The following CAMK1D variants were observed in gnomAD, a reference collection of about 807,000 sequenced individuals.
CAMK1D encodes the protein calcium/calmodulin-dependent protein kinase type 1D.
CAMK1D carries 9 observed loss-of-function variants against 47.7 expected under a neutral mutation model. That is an observed-to-expected ratio of 0.19 (90% CI 0.11 to 0.33). CAMK1D has a LOEUF of 0.33. Among genes scored for constraint, CAMK1D ranks in the 10% least tolerant of loss-of-function variants. The pLI, the probability that CAMK1D is intolerant of heterozygous loss-of-function variation, is 1.00. For synonymous variants in CAMK1D, 184 were observed against 184.9 expected (o/e 0.99, Z 0.04); for missense variants, 291 against 488.7 (o/e 0.60, Z 3.81).
intron 1 of CAMK1D, among the ~76,000 whole-genome samples, chr10:12,535,111 G>A (rs1207062795): frequency 6.6e-6 from 1 of 152,188 alleles, no homozygotes; most frequent in Non-Finnish European, 1.5e-5. Flanking sequence ...CACAGGAAGT[G>A]AGGCACAGTC....
chr10:12,648,212 CACTT>C (rs1839864162), intron 2 of CAMK1D, among the ~76,000 whole-genome samples: 1 of 152,184 alleles, frequency 6.6e-6, no homozygotes, highest in African/African-American at 2.4e-5. Flanking sequence ...GTGGGGCACT[CACTT>C]AATTCTCCCG....
At chr10:12,769,859 G>T in intron 5 of CAMK1D, 60 bp downstream of exon 5, 1 of 1,579,464 alleles carries the variant, frequency 6.3e-7, no homozygotes, top group African/African-American at 1.3e-5. Flanking sequence ...CATGTGTGGT[G>T]TCACCACGTG....
At chr10:12,778,540 A>G (rs1837364527) in intron 5 of CAMK1D, among the ~76,000 whole-genome samples, 1 of 152,222 alleles carries the variant, frequency 6.6e-6, no homozygotes, top group Admixed American at 6.5e-5. Context: ...GATGGGCCAC[A>G]CAGATTCATG....
intron 3 of CAMK1D, among the ~76,000 whole-genome samples, chr10:12,733,658 GCT>G (rs1834998686): frequency 6.6e-6 from 1 of 152,126 alleles, no homozygotes; most frequent in African/African-American, 2.4e-5. Context: ...CCAGCCAGTG[GCT>G]CTTCATTCAG....
intron 8 of CAMK1D, 26 bp downstream of exon 8, chr10:12,816,354 A>T: frequency 6.2e-7 from 1 of 1,602,572 alleles, no homozygotes; most frequent in African/African-American, 1.3e-5. Flanking sequence ...CGCTCAGCAG[A>T]CCGTGCCATT....
intron 1 of CAMK1D, among the ~76,000 whole-genome samples, chr10:12,492,406 G>A (rs937387117): frequency 2.7e-5 from 4 of 150,360 alleles, no homozygotes; most frequent in African/African-American, 4.9e-5. Context: ...CCATCCACTC[G>A]CATGCTTTTG....
chr10:12,364,800 A>G (rs1358329383), intron 1 of CAMK1D, among the ~76,000 whole-genome samples: 1 of 152,100 alleles, frequency 6.6e-6, no homozygotes, highest in Non-Finnish European at 1.5e-5. Context: ...CAAGCTCCCC[A>G]TGGTTTAACA....
intron 3 of CAMK1D, among the ~76,000 whole-genome samples, chr10:12,756,794 G>A (rs913807104): frequency 4.6e-5 from 7 of 152,170 alleles, no homozygotes; most frequent in African/African-American, 1.7e-4. Flanking sequence ...CGGGCGTGGT[G>A]GTGGCCACCT....
At chr10:12,445,705 A>G (rs1398363246) in intron 1 of CAMK1D, among the ~76,000 whole-genome samples, 4 of 152,248 alleles carry the variant, frequency 2.6e-5, no homozygotes, top group South Asian at 2.1e-4. Context: ...CTTTTAATGT[A>G]AAAGTCATAA....
chr10:12,728,337 G>C (rs113516693), intron 3 of CAMK1D, among the ~76,000 whole-genome samples: 3,474 of 152,298 alleles, frequency 0.023, 144 homozygotes, highest in African/African-American at 0.076. Flanking sequence ...AGCCTTCTTG[G>C]CTGCGTGGAC....
chr10:12,638,185 G>T (rs1350738850), intron 2 of CAMK1D, among the ~76,000 whole-genome samples: 2 of 152,174 alleles, frequency 1.3e-5, no homozygotes, highest in African/African-American at 4.8e-5. Flanking sequence ...GGTGGGAGGG[G>T]CCAGGCTTCT....
intron 2 of CAMK1D, among the ~76,000 whole-genome samples, chr10:12,563,690 A>AGAGAGAGAGAGAGAGAGAGAGAGG (rs1564414460): frequency 5.4e-4 from 39 of 72,212 alleles, no homozygotes; most frequent in African/African-American, 1.4e-3. Context: ...AGAGAGAGAG[A>AGAGAGAGAGAGAGAGAGAGAGAGG]GAGAGAGAGG....
chr10:12,534,762 A>G (rs1039114222), intron 1 of CAMK1D, among the ~76,000 whole-genome samples: 1 of 152,104 alleles, frequency 6.6e-6, no homozygotes, highest in Non-Finnish European at 1.5e-5. Flanking sequence ...GGTCTTCCAT[A>G]TGGGGACTGA....
chr10:12,807,222 T>A (rs1280983384), intron 6 of CAMK1D, among the ~76,000 whole-genome samples: 1 of 152,204 alleles, frequency 6.6e-6, no homozygotes, highest in Non-Finnish European at 1.5e-5. Flanking sequence ...CTCGTTGATA[T>A]CCTTTGTGGG....
intron 6 of CAMK1D, among the ~76,000 whole-genome samples, chr10:12,813,293 G>A (rs749055698): frequency 5.3e-5 from 8 of 152,208 alleles, no homozygotes; most frequent in Non-Finnish European, 1.2e-4. Flanking sequence ...GCATGGTAGT[G>A]TGCTGATGTG....
At chr10:12,508,039 G>T (rs1299293656) in intron 1 of CAMK1D, among the ~76,000 whole-genome samples, 1 of 152,154 alleles carries the variant, frequency 6.6e-6, no homozygotes, top group Non-Finnish European at 1.5e-5. Context: ...ACAGGCCTGG[G>T]GTAGGACTGA....
At chr10:12,452,678 TG>T (rs1833120815) in intron 1 of CAMK1D, among the ~76,000 whole-genome samples, 1 of 151,950 alleles carries the variant, frequency 6.6e-6, no homozygotes, top group Non-Finnish European at 1.5e-5. Context: ...CTCCGCCTCC[TG>T]GGTTCAAACA....
At chr10:12,651,100 C>G (rs368030419) in intron 2 of CAMK1D, among the ~76,000 whole-genome samples, 1 of 152,204 alleles carries the variant, frequency 6.6e-6, no homozygotes, top group African/African-American at 2.4e-5. Context: ...CCTTCCTCCC[C>G]GTGTTTCTTT....
At chr10:12,599,642 G>T (rs1838245368) in intron 2 of CAMK1D, among the ~76,000 whole-genome samples, 1 of 152,192 alleles carries the variant, frequency 6.6e-6, no homozygotes, top group Non-Finnish European at 1.5e-5. Context: ...AGAGGGAGAG[G>T]AGCAGTCCTA....
Sources: gnomAD v4.1 joint callset for allele counts (sites outside exome capture counted in the v4.1 genomes callset) on GRCh38, gnomAD v4.1.1 for gene constraint, MANE v1.5 for transcripts, NCBI Gene and HGNC (gene_info 2026-07-23, HGNC 2026-07-21) for gene names.